Variants in RPS6KC1 observed in about 807,000 individuals in gnomAD.
The protein encoded by RPS6KC1 is ribosomal protein S6 kinase C1.
In RPS6KC1, 54 loss-of-function variants were observed where a neutral mutation model predicts 103.8. The ratio of observed to expected loss-of-function variants is 0.52; its 90% CI spans 0.42 to 0.65. The LOEUF (loss-of-function observed/expected upper bound fraction) is 0.65, where lower values mean the gene tolerates loss of function less well. Among genes scored for constraint, RPS6KC1 ranks in the 30% least tolerant of loss-of-function variants. RPS6KC1 has a pLI of 0.00. For synonymous variants in RPS6KC1, 439 were observed against 438.7 expected (o/e 1.00, Z -0.01); for missense variants, 1,151 against 1,253.8 (o/e 0.92, Z 1.24).
intron 2 of RPS6KC1, among the ~76,000 whole-genome samples, chr1:213,076,846 A>C (rs184117370): frequency 6.6e-6 from 1 of 151,752 alleles, no homozygotes; most frequent in Non-Finnish European, 1.5e-5. Context: ...CTGCATAGCT[A>C]CTTCTTCAGT....
intron 8 of RPS6KC1, among the ~76,000 whole-genome samples, chr1:213,224,578 A>G (rs2093915998): frequency 6.6e-6 from 1 of 152,224 alleles, no homozygotes; most frequent in South Asian, 2.1e-4. Context: ...TACTTGTTTT[A>G]TCATGAAATA....
intron 3 of RPS6KC1, among the ~76,000 whole-genome samples, chr1:213,079,542 C>T (rs894440689): frequency 2.6e-5 from 4 of 152,058 alleles, no homozygotes; most frequent in African/African-American, 9.7e-5. Flanking sequence ...CTTGGCTTCC[C>T]AGGTAGCTGG....
chr1:213,327,875 T>C, the RPS6KC1 span, among the ~76,000 whole-genome samples: 1 of 152,132 alleles, frequency 6.6e-6, no homozygotes, highest in Non-Finnish European at 1.5e-5. Context: ...GTTCCAAGTC[T>C]TGGTCGTCTC....
chr1:213,153,456 A>G (rs2147972979), intron 6 of RPS6KC1, among the ~76,000 whole-genome samples: 1 of 152,336 alleles, frequency 6.6e-6, no homozygotes, highest in South Asian at 2.1e-4. Flanking sequence ...GACAAGCAAA[A>G]GGAAGAATAA....
chr1:213,443,483 A>G, the RPS6KC1 span, among the ~76,000 whole-genome samples: 1 of 152,158 alleles, frequency 6.6e-6, no homozygotes, highest in Non-Finnish European at 1.5e-5. Flanking sequence ...TGTACATTTT[A>G]GCCAGGGGTC....
the RPS6KC1 span, among the ~76,000 whole-genome samples, chr1:213,586,142 A>G: frequency 2.5e-4 from 38 of 152,088 alleles, no homozygotes; most frequent in Admixed American, 9.8e-4. Flanking sequence ...TGACCTTGGC[A>G]TGTCTGCCAA....
the RPS6KC1 span, among the ~76,000 whole-genome samples, chr1:213,747,925 T>C: frequency 1.3e-5 from 2 of 152,334 alleles, no homozygotes; most frequent in African/African-American, 2.4e-5. Context: ...ATGGACAATA[T>C]TGTAACCTTT....
At chr1:213,796,559 G>T in the RPS6KC1 span, among the ~76,000 whole-genome samples, 1 of 152,104 alleles carries the variant, frequency 6.6e-6, no homozygotes, top group African/African-American at 2.4e-5. Flanking sequence ...ATAGCAAAAG[G>T]TACCTCAATC....
chr1:213,382,199 A>C, the RPS6KC1 span, among the ~76,000 whole-genome samples: 2 of 152,158 alleles, frequency 1.3e-5, no homozygotes, highest in South Asian at 4.1e-4. Context: ...TTTAACCAAC[A>C]CTTACAATAT....
At chr1:213,860,527 T>C in the RPS6KC1 span, among the ~76,000 whole-genome samples, 2 of 151,994 alleles carry the variant, frequency 1.3e-5, no homozygotes, top group Non-Finnish European at 2.9e-5. Context: ...GAAAGCACCA[T>C]GGAAGCTCAG....
At chr1:213,778,673 T>G in the RPS6KC1 span, among the ~76,000 whole-genome samples, 1 of 151,322 alleles carries the variant, frequency 6.6e-6, no homozygotes, top group African/African-American at 2.4e-5. Flanking sequence ...GGAAGTCGAG[T>G]GAGTACAACA....
chr1:213,119,212 C>G (rs1162843061), intron 5 of RPS6KC1, among the ~76,000 whole-genome samples: 1 of 151,400 alleles, frequency 6.6e-6, no homozygotes, highest in Non-Finnish European at 1.5e-5. Flanking sequence ...TTTGGGAGGC[C>G]AAGGCAGGCG....
At chr1:213,261,071 G>C (rs1054467364) in intron 12 of RPS6KC1, among the ~76,000 whole-genome samples, 6 of 152,104 alleles carry the variant, frequency 3.9e-5, no homozygotes, top group East Asian at 1.9e-4. Context: ...CTAGGTCTTC[G>C]TTCTCCTACA....
the RPS6KC1 span, among the ~76,000 whole-genome samples, chr1:213,764,213 A>G: frequency 2.0e-5 from 3 of 152,186 alleles, no homozygotes; most frequent in South Asian, 6.2e-4. Flanking sequence ...GAGAGAAGCT[A>G]TTTCTCCAGG....
At chr1:213,205,555 T>G (rs1201950529) in intron 8 of RPS6KC1, among the ~76,000 whole-genome samples, 2 of 137,336 alleles carry the variant, frequency 1.5e-5, no homozygotes, top group Admixed American at 7.1e-5. Context: ...TAGATATATA[T>G]ATATATATAT....
the RPS6KC1 span, among the ~76,000 whole-genome samples, chr1:213,499,466 T>C: frequency 6.6e-6 from 1 of 152,208 alleles, no homozygotes; most frequent in Admixed American, 6.5e-5. Flanking sequence ...CTATTCCACC[T>C]CAGATCATCA....
chr1:213,279,189 G>A (rs937745829), downstream of RPS6KC1, among the ~76,000 whole-genome samples: 1 of 152,136 alleles, frequency 6.6e-6, no homozygotes, highest in African/African-American at 2.4e-5. Context: ...ATTGGAGAAA[G>A]AGAGATTAGA....
chr1:213,716,585 A>G, the RPS6KC1 span, among the ~76,000 whole-genome samples: 4 of 152,226 alleles, frequency 2.6e-5, no homozygotes, highest in Non-Finnish European at 5.9e-5. Flanking sequence ...TCTAAAATAT[A>G]ACAAAAGATG....
chr1:213,105,275 T>TC lies in RPS6KC1; in HGVS notation c.378+707dup, dbSNP rs531407207. Among the ~76,000 whole-genome samples, 947 of 151,598 alleles carry TC rather than the reference T, an allele frequency of 6.2e-3. 14 individuals are homozygous for TC. The highest frequency in any genetic ancestry group is 0.021 in the African/African-American group (877 of 41,364). On this transcript the variant is annotated intron_variant, in intron 4 of 14. Coordinates refer to ENST00000366960, the MANE Select transcript of RPS6KC1 (RefSeq NM_012424.6). ...ATTTTCTAACTTATTTTGAACTGTA[T>TC]CGGTATATGTTGTCAGTTGGTATTG...
Sources: gnomAD v4.1 joint callset for allele counts (sites outside exome capture counted in the v4.1 genomes callset) on GRCh38, gnomAD v4.1.1 for gene constraint, MANE v1.5 for transcripts, NCBI Gene and HGNC (gene_info 2026-07-23, HGNC 2026-07-21) for gene names.